The following PDE4D variants were observed in gnomAD, a reference collection of about 807,000 sequenced individuals.
PDE4D encodes phosphodiesterase 4D.
In PDE4D, 24 loss-of-function variants were observed where a neutral mutation model predicts 87.4. The ratio of observed to expected loss-of-function variants is 0.27; its 90% CI spans 0.20 to 0.39. The LOEUF is 0.39. Ranked by LOEUF, PDE4D falls within the 10% of genes least tolerant of loss-of-function variation. The probability of loss-of-function intolerance (pLI) is 1.00; values close to 1 mark genes in which losing one functional copy is unlikely to be tolerated. For missense variants in PDE4D, 714 were observed against 1,041.0 expected, an observed-to-expected ratio of 0.69 and a Z score of 4.32; for synonymous variants, 384 against 383.2, an observed-to-expected ratio of 1.00 and a Z score of -0.02.
At chr5:60,096,507 A>G (rs1017954809) in intron 2 of PDE4D, among the ~76,000 whole-genome samples, 8 of 152,164 alleles carry the variant, frequency 5.3e-5, no homozygotes, top group Admixed American at 2.6e-4. Flanking sequence ...TTCAAATTAT[A>G]AAGACAACTT....
intron 1 of PDE4D, among the ~76,000 whole-genome samples, chr5:60,199,883 G>T (rs1456928956): frequency 6.6e-6 from 1 of 151,604 alleles, no homozygotes; most frequent in Non-Finnish European, 1.5e-5. Context: ...TTCCCAGCAA[G>T]AGTTGGGTGC....
chr5:60,374,775 G>A (rs1761304346), intron 1 of PDE4D, among the ~76,000 whole-genome samples: 1 of 152,178 alleles, frequency 6.6e-6, no homozygotes, highest in South Asian at 2.1e-4. Context: ...TATCTGTAAT[G>A]AGCTAGGATC....
At chr5:60,454,634 A>C (rs1012526644) in intron 1 of PDE4D, among the ~76,000 whole-genome samples, 1 of 152,040 alleles carries the variant, frequency 6.6e-6, no homozygotes, top group African/African-American at 2.4e-5. Context: ...AACAATACAC[A>C]CCAGGGCATG....
chr5:59,075,075 AACAC>A (rs70973189), intron 5 of PDE4D, among the ~76,000 whole-genome samples: 16,360 of 129,608 alleles, frequency 0.13, 1,446 homozygotes, highest in East Asian at 0.44. Flanking sequence ...AAGCTTACAA[AACAC>A]ACACACACAC....
chr5:60,174,638 A>C (rs1783760562), intron 2 of PDE4D, among the ~76,000 whole-genome samples: 1 of 152,138 alleles, frequency 6.6e-6, no homozygotes, highest in African/African-American at 2.4e-5. Flanking sequence ...TCAGTCAGAA[A>C]AATTTAAATT....
At chr5:59,374,422 G>A (rs968574005) in intron 1 of PDE4D, among the ~76,000 whole-genome samples, 11 of 152,150 alleles carry the variant, frequency 7.2e-5, no homozygotes, top group African/African-American at 2.6e-4. Context: ...AGATAAAAAA[G>A]ACAAAGAAGG....
At chr5:59,664,868 T>C (rs1007769389) in intron 1 of PDE4D, among the ~76,000 whole-genome samples, 1 of 152,234 alleles carries the variant, frequency 6.6e-6, no homozygotes, top group African/African-American at 2.4e-5. Flanking sequence ...CTCGTCATTA[T>C]CATTATCTTT....
At chr5:59,539,991 C>G (rs1816020288) in intron 1 of PDE4D, among the ~76,000 whole-genome samples, 1 of 152,176 alleles carries the variant, frequency 6.6e-6, no homozygotes, top group Admixed American at 6.6e-5. Flanking sequence ...TAGCATACAT[C>G]AGAGTGTCCT....
chr5:59,696,954 T>C (rs570401728), intron 1 of PDE4D, among the ~76,000 whole-genome samples: 2 of 152,216 alleles, frequency 1.3e-5, no homozygotes, highest in East Asian at 3.9e-4. Context: ...TTACAATCAC[T>C]GGTAAGAAAA....
chr5:58,985,086 A>AT (rs552260457), intron 11 of PDE4D, among the ~76,000 whole-genome samples: 1,856 of 150,162 alleles, frequency 0.012, 41 homozygotes, highest in African/African-American at 0.043. Context: ...ATTTTTTTGT[A>AT]TTTTTTTTTG....
intron 1 of PDE4D, among the ~76,000 whole-genome samples, chr5:60,443,941 A>ACCT (rs1745437861): frequency 6.6e-6 from 1 of 151,604 alleles, no homozygotes; most frequent in Non-Finnish European, 1.5e-5. Flanking sequence ...GGCATATCCC[A>ACCT]CCTCACCCAC....
chr5:60,024,968 CT>C (rs1766469232), intron 2 of PDE4D, among the ~76,000 whole-genome samples: 3 of 151,894 alleles, frequency 2.0e-5, no homozygotes, highest in Admixed American at 1.3e-4. Flanking sequence ...GGTAGAACTC[CT>C]GGCAAGGGAT....
chr5:59,352,767 TCTGA>T (rs1002171838), intron 1 of PDE4D, among the ~76,000 whole-genome samples: 15 of 152,334 alleles, frequency 9.8e-5, no homozygotes, highest in African/African-American at 3.1e-4. Flanking sequence ...TGTTTGTTGA[TCTGA>T]CTGTCATTAA....
At chr5:60,417,638 A>G (rs1409407852) in intron 1 of PDE4D, among the ~76,000 whole-genome samples, 3 of 152,204 alleles carry the variant, frequency 2.0e-5, no homozygotes, top group African/African-American at 4.8e-5. Flanking sequence ...AGGAATCTCA[A>G]CATGGGAGGA....
At chr5:59,923,360 AC>A (rs1488606847) in intron 3 of PDE4D, among the ~76,000 whole-genome samples, 5 of 152,168 alleles carry the variant, frequency 3.3e-5, no homozygotes, top group Non-Finnish European at 7.3e-5. Flanking sequence ...CCTTGAGCAA[AC>A]ATATGCAGTA....
intron 1 of PDE4D, among the ~76,000 whole-genome samples, chr5:60,378,228 G>A (rs1397226311): frequency 6.6e-6 from 1 of 152,162 alleles, no homozygotes; most frequent in Admixed American, 6.5e-5. Flanking sequence ...GAATGCCCTT[G>A]TGTCTTCCCA....
intron 5 of PDE4D, among the ~76,000 whole-genome samples, chr5:59,146,024 G>A (rs1778596892): frequency 1.3e-5 from 2 of 152,132 alleles, no homozygotes; most frequent in Admixed American, 1.3e-4. Flanking sequence ...CTACTCGGGA[G>A]GCTAAGGCAG....
At chr5:60,205,799 G>A (rs956129619) in intron 1 of PDE4D, among the ~76,000 whole-genome samples, 1 of 152,010 alleles carries the variant, frequency 6.6e-6, no homozygotes, top group African/African-American at 2.4e-5. Context: ...AGACAGGAGA[G>A]TTGTTCAAAC....
intron 11 of PDE4D, among the ~76,000 whole-genome samples, chr5:58,986,708 G>T (rs1746508507): frequency 6.6e-6 from 1 of 152,148 alleles, no homozygotes; most frequent in African/African-American, 2.4e-5. Context: ...TGGAAAAATT[G>T]TCTTCCATAA....
Sources: gnomAD v4.1 joint callset for allele counts (sites outside exome capture counted in the v4.1 genomes callset) on GRCh38, gnomAD v4.1.1 for gene constraint, MANE v1.5 for transcripts, NCBI Gene and HGNC (gene_info 2026-07-23, HGNC 2026-07-21) for gene names.